MACROD2: variants seen among roughly 807,000 people sequenced by gnomAD.
The protein encoded by MACROD2 is ADP-ribose glycohydrolase MACROD2.
In MACROD2, 36 loss-of-function variants were observed where a neutral mutation model predicts 70.4. The observed-to-expected ratio is 0.51, with a 90% CI of 0.39 to 0.68. MACROD2 has a LOEUF of 0.68. Ranked by LOEUF, MACROD2 falls within the 30% of genes least tolerant of loss-of-function variation. The pLI is 0.00. For missense variants in MACROD2, 496 were observed against 538.4 expected, an observed-to-expected ratio of 0.92 and a Z score of 0.78; for synonymous variants, 172 against 178.8, an observed-to-expected ratio of 0.96 and a Z score of 0.30.
intron 7 of MACROD2, among the ~76,000 whole-genome samples, chr20:15,486,063 A>G (rs1000925307): frequency 6.6e-6 from 1 of 152,108 alleles, no homozygotes; most frequent in African/African-American, 2.4e-5. Context: ...ATTATAGACA[A>G]TGACATGTAT....
chr20:14,980,399 G>C (rs527284804), intron 5 of MACROD2, among the ~76,000 whole-genome samples: 1 of 152,040 alleles, frequency 6.6e-6, no homozygotes, highest in Admixed American at 6.6e-5. Context: ...CCAGCAAGAC[G>C]GCCCTCACCA....
intron 3 of MACROD2, among the ~76,000 whole-genome samples, chr20:14,120,318 T>C (rs1345644314): frequency 1.3e-5 from 2 of 151,252 alleles, no homozygotes; most frequent in African/African-American, 4.9e-5. Flanking sequence ...AAAACCACAC[T>C]GGGAGACCAT....
chr20:14,756,972 T>G (rs926369129), intron 5 of MACROD2, among the ~76,000 whole-genome samples: 9 of 152,074 alleles, frequency 5.9e-5, no homozygotes, highest in Non-Finnish European at 1.3e-4. Context: ...TTTGCTTCCC[T>G]TTCCACCATG....
At chr20:15,676,079 T>A (rs1197115984) in intron 8 of MACROD2, among the ~76,000 whole-genome samples, 1 of 152,232 alleles carries the variant, frequency 6.6e-6, no homozygotes, top group East Asian at 1.9e-4. Flanking sequence ...TTTCCTGTAC[T>A]CACTCATGAG....
intron 5 of MACROD2, among the ~76,000 whole-genome samples, chr20:15,014,662 GTTAA>G (rs1254412124): frequency 1.3e-5 from 2 of 152,212 alleles, no homozygotes; most frequent in South Asian, 2.1e-4. Context: ...CATTCTTCCA[GTTAA>G]TTGTGTGTGA....
chr20:15,461,839 G>A (rs932921631), intron 7 of MACROD2, among the ~76,000 whole-genome samples: 2 of 152,052 alleles, frequency 1.3e-5, no homozygotes, highest in East Asian at 3.9e-4. Flanking sequence ...TTCCCGAATT[G>A]CTATACATTT....
chr20:14,085,581 A>G (rs1291540185), intron 2 of MACROD2, 40 bp from the exon 3 acceptor site: 1 of 1,153,574 alleles, frequency 8.7e-7, no homozygotes, highest in African/African-American at 1.6e-5. Context: ...TAAGTTAATT[A>G]ATAATATTAT....
chr20:15,840,366 C>T (rs771227666), intron 8 of MACROD2, among the ~76,000 whole-genome samples: 3 of 152,226 alleles, frequency 2.0e-5, no homozygotes, highest in South Asian at 2.1e-4. Flanking sequence ...TGCAACTTGC[C>T]GGGGACAACA....
At chr20:15,336,191 G>A (rs1020447911) in intron 6 of MACROD2, among the ~76,000 whole-genome samples, 4 of 151,694 alleles carry the variant, frequency 2.6e-5, no homozygotes, top group African/African-American at 9.7e-5. Flanking sequence ...TTGAGAGGAA[G>A]GCATTCCTGT....
At chr20:15,769,346 C>T (rs1426686023) in intron 8 of MACROD2, among the ~76,000 whole-genome samples, 1 of 152,052 alleles carries the variant, frequency 6.6e-6, no homozygotes, top group Non-Finnish European at 1.5e-5. Context: ...AGGGTTTCTC[C>T]ATGTTGGTCA....
intron 7 of MACROD2, among the ~76,000 whole-genome samples, chr20:15,483,741 T>A (rs974805747): frequency 1.8e-4 from 27 of 152,238 alleles, no homozygotes; most frequent in African/African-American, 5.8e-4. Context: ...ATTTTTTTTT[T>A]ATCAGTTTTG....
At chr20:15,995,190 A>G (rs2066610771) in intron 15 of MACROD2, among the ~76,000 whole-genome samples, 3 of 152,172 alleles carry the variant, frequency 2.0e-5, no homozygotes, top group Admixed American at 2.0e-4. Flanking sequence ...GGTTTTATTC[A>G]TACATTCCAC....
chr20:14,554,686 T>C (rs1373402476), intron 4 of MACROD2, among the ~76,000 whole-genome samples: 1 of 152,134 alleles, frequency 6.6e-6, no homozygotes, highest in Non-Finnish European at 1.5e-5. Flanking sequence ...CTAAGAGATA[T>C]GTATGAGAGA....
At chr20:15,287,032 A>G (rs981975310) in intron 6 of MACROD2, among the ~76,000 whole-genome samples, 2 of 152,198 alleles carry the variant, frequency 1.3e-5, no homozygotes, top group Non-Finnish European at 2.9e-5. Context: ...TATTCCTACA[A>G]CATGTTTGCT....
intron 5 of MACROD2, among the ~76,000 whole-genome samples, chr20:14,789,711 G>A (rs6079561): frequency 1.3e-5 from 2 of 151,762 alleles, no homozygotes; most frequent in East Asian, 3.9e-4. Context: ...CCTGACCTCA[G>A]GTGATCCTCC....
At chr20:14,477,444 A>T (rs1027698241) in intron 3 of MACROD2, among the ~76,000 whole-genome samples, 1 of 152,326 alleles carries the variant, frequency 6.6e-6, no homozygotes, top group Middle Eastern at 3.4e-3. Context: ...GTTGTAGCAC[A>T]AGATTTTACA....
chr20:14,145,528 C>A (rs6033888), intron 3 of MACROD2, among the ~76,000 whole-genome samples: 6,260 of 152,156 alleles, frequency 0.041, 175 homozygotes, highest in African/African-American at 0.08. Flanking sequence ...GAAGATATGT[C>A]CTGGGGAATA....
intron 15 of MACROD2, among the ~76,000 whole-genome samples, chr20:16,013,670 A>G (rs928928952): frequency 6.6e-6 from 1 of 152,192 alleles, no homozygotes; most frequent in South Asian, 2.1e-4. Flanking sequence ...ATGGCCTACC[A>G]CAGTGTTGCT....
intron 6 of MACROD2, among the ~76,000 whole-genome samples, chr20:15,259,735 C>T (rs1385293234): frequency 1.3e-5 from 2 of 151,956 alleles, no homozygotes; most frequent in Non-Finnish European, 2.9e-5. Flanking sequence ...CTGAAATTCT[C>T]TTTCATCACA....
Sources: gnomAD v4.1 joint callset for allele counts (sites outside exome capture counted in the v4.1 genomes callset) on GRCh38, gnomAD v4.1.1 for gene constraint, MANE v1.5 for transcripts, NCBI Gene and HGNC (gene_info 2026-07-23, HGNC 2026-07-21) for gene names.